The following NPAS3 variants were observed in gnomAD, a reference collection of about 807,000 sequenced individuals.
NPAS3 encodes the protein neuronal PAS domain-containing protein 3.
In NPAS3, 14 loss-of-function variants were observed where a neutral mutation model predicts 73.1. That is an observed-to-expected ratio of 0.19 (90% CI 0.13 to 0.30). The LOEUF is 0.30. Among genes scored for constraint, NPAS3 ranks in the 10% least tolerant of loss-of-function variants. The pLI, the probability that NPAS3 is intolerant of heterozygous loss-of-function variation, is 1.00. For missense variants in NPAS3, 1,096 were observed against 1,250.0 expected (o/e 0.88, Z 1.86); for synonymous variants, 620 against 541.5 (o/e 1.14, Z -2.01).
intron 3 of NPAS3, among the ~76,000 whole-genome samples, chr14:33,234,543 G>C: frequency 6.6e-6 from 1 of 152,044 alleles, no homozygotes; most frequent in East Asian, 1.9e-4. Flanking sequence ...CTTCCAGCTC[G>C]TTAAGTCTGG....
Position 32,947,068 on chromosome 14 carries a change from T to A in NPAS3, c.50+7702T>A, listed in dbSNP as rs1035126409. ...ATTTTAAGACCACTTTATAAACTTATAGGTCATTTCAATAATATTTCATTA... is the reference window on the plus strand; with the variant it reads ...ATTTTAAGACCACTTTATAAACTTAAAGGTCATTTCAATAATATTTCATTA... On this transcript the variant is annotated intron_variant, in intron 1 of 11. Transcript: ENST00000356141. 3.3e-5 allele frequency among the ~76,000 whole-genome samples: 5 copies of A among 152,178 alleles called. No homozygotes were observed. The East Asian group carries it at 9.6e-4, about 29-fold the overall frequency.
intron 6 of NPAS3, chr14:33,680,637 T>G (rs544794811): frequency 5.8e-5 from 41 of 702,728 alleles, no homozygotes; most frequent in South Asian, 5.5e-4. Flanking sequence ...ATCAGTTTCT[T>G]CTGTAGGACC....
chr14:33,678,210 G>C (rs915832630), intron 6 of NPAS3, among the ~76,000 whole-genome samples: 3 of 152,168 alleles, frequency 2.0e-5, no homozygotes, highest in South Asian at 2.1e-4. Context: ...TGCCCTGATA[G>C]GAAGCTCATG....
rs117505345 is a variant in NPAS3 at position 33,417,840 on chromosome 14, T to C, written c.468+50572T>C. On this transcript the variant is annotated intron_variant, in intron 4 of 11. Coordinates refer to ENST00000356141, the Ensembl canonical transcript of NPAS3. ...GCACTAAGAAATAACTCTATTCTTATATCTGGTAACAACTTATTTTTGCTA... is the reference window on the plus strand; with the variant it reads ...GCACTAAGAAATAACTCTATTCTTACATCTGGTAACAACTTATTTTTGCTA... Among the ~76,000 whole-genome samples the C allele has an allele frequency of 1.0e-3, 157 of 152,166 alleles. 4 individuals carry two copies. The East Asian group carries it at 0.026, about 25-fold the overall frequency.
chr14:32,985,638 A>G (rs1464898504), intron 1 of NPAS3, among the ~76,000 whole-genome samples: 1 of 152,170 alleles, frequency 6.6e-6, no homozygotes, highest in Non-Finnish European at 1.5e-5. Context: ...ACAAAACAAA[A>G]CACAAAAATC....
chr14:33,474,483 T>C (rs1263416114), intron 4 of NPAS3, among the ~76,000 whole-genome samples: 1 of 152,076 alleles, frequency 6.6e-6, no homozygotes, highest in Non-Finnish European at 1.5e-5. Flanking sequence ...ATGTCAAAAG[T>C]CTTTTGTGGA....
chr14:33,455,289 C>A (rs1351407544), intron 4 of NPAS3, among the ~76,000 whole-genome samples: 4 of 152,094 alleles, frequency 2.6e-5, no homozygotes, highest in African/African-American at 9.7e-5. Flanking sequence ...ATTTCAGCTC[C>A]TAAGTTTAAG....
In NPAS3 at chr14:33,715,623, T is replaced by C. The variant is rs927554572; in HGVS notation, c.734-19591T>C. Among the ~76,000 whole-genome samples, 4 of 152,316 alleles carry C rather than the reference T, an allele frequency of 2.6e-5. No homozygotes were observed. In the South Asian group the frequency reaches 8.3e-4, roughly 32 times the overall value. On this transcript the variant is annotated intron_variant, in intron 6 of 11. Transcript: ENST00000356141. ...TAATGGTGCCAGTCACAGTGTATGCTTAATTTGGGCTACGATTCCAGCCTC... is the reference window on the plus strand; with the variant it reads ...TAATGGTGCCAGTCACAGTGTATGCCTAATTTGGGCTACGATTCCAGCCTC...
intron 1 of NPAS3, among the ~76,000 whole-genome samples, chr14:33,025,272 G>A (rs550955876): frequency 6.6e-6 from 1 of 152,268 alleles, no homozygotes; most frequent in African/African-American, 2.4e-5. Flanking sequence ...CTTGGGTAAG[G>A]CACTCTAAGT....
intron 2 of NPAS3, among the ~76,000 whole-genome samples, chr14:33,063,806 A>G (rs753560576): frequency 6.6e-6 from 1 of 152,244 alleles, no homozygotes; most frequent in African/African-American, 2.4e-5. Context: ...GGTGCTTGGC[A>G]TATAGTAAAC....
chr14:33,687,895 T>C lies in NPAS3; in HGVS notation c.733+11510T>C, dbSNP rs8009426. 4.8e-3 allele frequency among the ~76,000 whole-genome samples: 730 copies of C among 152,278 alleles called. 8 individuals are homozygous for C. The highest frequency in any genetic ancestry group is 0.017 in the African/African-American group (703 of 41,564). On this transcript the variant is annotated intron_variant, in intron 6 of 11. Transcript: ENST00000356141. ...CCACCTCCCAATAGGAGTCAAAAAA[T>C]TTTCTGCAGAAAGATTCAGTTAATG...
intron 4 of NPAS3, among the ~76,000 whole-genome samples, chr14:33,456,820 A>G (rs1350997909): frequency 6.6e-6 from 1 of 152,142 alleles, no homozygotes; most frequent in African/African-American, 2.4e-5. Context: ...ACAAACAGAA[A>G]GGCAGAAATG....
intron 4 of NPAS3, among the ~76,000 whole-genome samples, chr14:33,555,974 T>C (rs2055340094): frequency 1.3e-5 from 2 of 152,030 alleles, no homozygotes; most frequent in African/African-American, 2.4e-5. Context: ...CCCTACCAAA[T>C]TGGCCGTTAT....
chr14:33,348,924 G>A (rs985588837), intron 3 of NPAS3, among the ~76,000 whole-genome samples: 1 of 152,088 alleles, frequency 6.6e-6, no homozygotes, highest in Admixed American at 6.5e-5. Flanking sequence ...GTTAGGTCCC[G>A]GCTCCCTCCT....
chr14:33,384,091 T>C (rs2046672551), intron 4 of NPAS3, among the ~76,000 whole-genome samples: 1 of 152,198 alleles, frequency 6.6e-6, no homozygotes, highest in African/African-American at 2.4e-5. Context: ...AAATTTGTCA[T>C]GTTTTATAAA....
chr14:33,799,976 G>T, exon 12 of NPAS3: 2 of 1,613,860 alleles, frequency 1.2e-6, no homozygotes, highest in Non-Finnish European at 1.7e-6. Flanking sequence ...GCAGATCAAG[G>T]TGGAGCGCTA....
intron 1 of NPAS3, among the ~76,000 whole-genome samples, chr14:33,049,968 G>A (rs983663830): frequency 2.0e-5 from 3 of 152,132 alleles, no homozygotes; most frequent in South Asian, 2.1e-4. Context: ...TTACCTTAAG[G>A]TTTCTTATCA....
rs3742932 is a variant in NPAS3, at chr14:33,404,032, T to A, written c.468+36764T>A. ...TGCTGTAAAGCAGCAGTAATCGTGA[T>A]GCACAGCGTCCTTTCAGGTACCTGG... On this transcript the variant is annotated intron_variant, in intron 4 of 11. Coordinates refer to ENST00000356141, the Ensembl canonical transcript of NPAS3. Among the ~76,000 whole-genome samples the A allele has an allele frequency of 1.6e-4, 24 of 152,138 alleles. 1 individual carries two copies. Among genetic ancestry groups the A allele is most frequent in the Non-Finnish European group, 3.2e-4 (22 of 68,018 alleles).
At chr14:32,949,595 A>G (rs553578427) in intron 1 of NPAS3, among the ~76,000 whole-genome samples, 1 of 152,178 alleles carries the variant, frequency 6.6e-6, no homozygotes, top group Non-Finnish European at 1.5e-5. Flanking sequence ...GAAAGTATGG[A>G]ACTGTGTACT....
Sources: allele counts gnomAD v4.1 joint callset (sites outside exome capture counted in the v4.1 genomes callset), GRCh38; gene constraint gnomAD v4.1.1; transcripts MANE v1.5; gene names NCBI Gene and HGNC (gene_info 2026-07-23, HGNC 2026-07-21).